The following SYN3 variants were observed in gnomAD, a reference collection of about 807,000 sequenced individuals.
SYN3 encodes synapsin III, also known as synapsin-3.
In SYN3, 35 loss-of-function variants were observed where a neutral mutation model predicts 65.8. The observed-to-expected ratio is 0.53, with a 90% confidence interval of 0.41 to 0.70. SYN3 has a LOEUF of 0.70. Among genes scored for constraint, SYN3 ranks in the 30% least tolerant of loss-of-function variants. The probability of loss-of-function intolerance (pLI) is 0.00; values close to 1 mark genes in which losing one functional copy is unlikely to be tolerated. For missense variants in SYN3, 680 were observed against 749.0 expected (o/e 0.91, Z 1.08); for synonymous variants, 270 against 292.9 (o/e 0.92, Z 0.80).
Position 32,528,722 on chromosome 22 carries a change from C to T in SYN3, c.1230+152G>A, listed in dbSNP as rs1444387225. The T allele has an allele frequency of 1.6e-5, 18 of 1,104,592 alleles. No individual in the cohort carries two copies. The South Asian group carries it at 2.9e-4, about 18-fold the overall frequency. 68.4% of individuals were successfully genotyped at this position (1,104,592 alleles called of 1,614,324 possible). A position where few individuals can be genotyped will look rare whatever the true frequency, so the allele number is the denominator to read the frequency against. The stretch of plus-strand genomic sequence containing the variant: ...ACTGGGGCAGGCTGTGAAAGCTCTC[C>T]CCAATGTCTGGCCTTCGTCCACACC... On this transcript the variant is annotated intron_variant, in intron 11 of 13. Coordinates refer to ENST00000358763, the MANE Select transcript of SYN3 (RefSeq NM_003490.4).
At chr22:32,945,860 G>C (rs1354107794) in intron 3 of SYN3, among the ~76,000 whole-genome samples, 4 of 151,880 alleles carry the variant, frequency 2.6e-5, no homozygotes, top group Non-Finnish European at 5.9e-5. Context: ...AACCAAACAA[G>C]GCGATCAAAA....
intron 6 of SYN3, among the ~76,000 whole-genome samples, chr22:32,713,944 G>A (rs2050356384): frequency 6.6e-6 from 1 of 152,126 alleles, no homozygotes; most frequent in African/African-American, 2.4e-5. Context: ...CCCTTGGAGT[G>A]ACCTTCCCAG....
At chr22:32,760,916 C>T (rs142617798) in intron 6 of SYN3, among the ~76,000 whole-genome samples, 1 of 152,310 alleles carries the variant, frequency 6.6e-6, no homozygotes, top group African/African-American at 2.4e-5. Flanking sequence ...GCAGCTGGTC[C>T]AGGGTCAAGG....
At chr22:32,939,152 T>G (rs2050866008) in intron 3 of SYN3, among the ~76,000 whole-genome samples, 1 of 152,088 alleles carries the variant, frequency 6.6e-6, no homozygotes, top group South Asian at 2.1e-4. Context: ...CTATAAAAGA[T>G]TATTAACTGT....
chr22:32,518,838 G>A (rs2057825011), intron 12 of SYN3, among the ~76,000 whole-genome samples: 1 of 152,110 alleles, frequency 6.6e-6, no homozygotes, highest in African/African-American at 2.4e-5. Context: ...TTCATATGTT[G>A]AAACCTTAAC....
intron 6 of SYN3, among the ~76,000 whole-genome samples, chr22:32,839,647 T>A (rs904398314): frequency 6.6e-6 from 1 of 152,178 alleles, no homozygotes; most frequent in Admixed American, 6.5e-5. Context: ...AGTGGCTGAC[T>A]TTAAGCAGTT....
chr22:32,939,965 C>T (rs1256118522), intron 3 of SYN3, among the ~76,000 whole-genome samples: 4 of 152,088 alleles, frequency 2.6e-5, no homozygotes, highest in Non-Finnish European at 5.9e-5. Context: ...ATTTACATAC[C>T]GTTAGCAATA....
chr22:32,817,097 A>T (rs1382012244), intron 6 of SYN3, among the ~76,000 whole-genome samples: 1 of 151,586 alleles, frequency 6.6e-6, no homozygotes, highest in African/African-American at 2.4e-5. Context: ...TTGGGCCTGT[A>T]GTCCCAGTTA....
At chr22:32,917,864 C>T (rs1011325512) in intron 4 of SYN3, among the ~76,000 whole-genome samples, 7 of 152,244 alleles carry the variant, frequency 4.6e-5, no homozygotes, top group East Asian at 1.9e-4. Flanking sequence ...GCTCTCTTCC[C>T]GTTCCCACGC....
chr22:32,969,336 G>A (rs539316281), intron 3 of SYN3, among the ~76,000 whole-genome samples: 2 of 152,280 alleles, frequency 1.3e-5, no homozygotes, highest in African/African-American at 2.4e-5. Flanking sequence ...AATCAGCGGG[G>A]CTCATTCAAC....
Position 32,611,896 on chromosome 22 carries a change from G to C in SYN3, c.712-15160C>G, listed in dbSNP as rs375245944. ...GGGGCTGGTCACCAGATTGAGGCTT[G>C]AATCTTTCAGTCCCACCCTTCATCC... On this transcript the variant is annotated intron_variant, in intron 6 of 13. Coordinates refer to ENST00000358763, the MANE Select transcript of SYN3 (RefSeq NM_003490.4). Among the ~76,000 whole-genome samples, 26 of 152,308 alleles carry C rather than the reference G, an allele frequency of 1.7e-4. No homozygotes were observed. The South Asian group carries it at 5.2e-3, about 30-fold the overall frequency.
chr22:33,002,949 C>T (rs1017525017), intron 2 of SYN3, among the ~76,000 whole-genome samples: 1 of 152,182 alleles, frequency 6.6e-6, no homozygotes, highest in Non-Finnish European at 1.5e-5. Context: ...GGGCAGTTAC[C>T]CCCATGCTGC....
At position 32,745,496 on chromosome 22, in the gene SYN3, TTTGGGCAGGGGCC is replaced by T. The variant is rs1166986060; in HGVS notation, c.711+119406_711+119418del. ...CTTTCTTGTCCAGGGAATGTGCAGC[TTTGGGCAGGGGCC>T]TTGTCAGATTCCCTCAGTAGCTTCC... On this transcript the variant is annotated intron_variant, in intron 6 of 13. Coordinates refer to ENST00000358763, the MANE Select transcript of SYN3 (RefSeq NM_003490.4). 2.0e-5 allele frequency among the ~76,000 whole-genome samples: 3 copies of T among 152,320 alleles called. No individual in the cohort carries two copies. In the East Asian group the frequency reaches 5.8e-4, roughly 29 times the overall value.
At chr22:32,749,639 T>TCAACAA (rs559074812) in intron 6 of SYN3, among the ~76,000 whole-genome samples, 5 of 151,884 alleles carry the variant, frequency 3.3e-5, no homozygotes, top group African/African-American at 1.2e-4. Context: ...AGACTTCATC[T>TCAACAA]CAACAACAAC....
At chr22:32,790,224 G>A (rs570739591) in intron 6 of SYN3, among the ~76,000 whole-genome samples, 2 of 152,160 alleles carry the variant, frequency 1.3e-5, no homozygotes, top group African/African-American at 4.8e-5. Flanking sequence ...AAGTTACCAA[G>A]GTAATGTTCC....
chr22:32,588,835 C>A (rs2059088273), intron 7 of SYN3, among the ~76,000 whole-genome samples: 1 of 152,140 alleles, frequency 6.6e-6, no homozygotes, highest in Non-Finnish European at 1.5e-5. Context: ...GGAGGCAGGT[C>A]TTTACTCCAG....
At chr22:32,587,360 G>A (rs1031728272) in intron 7 of SYN3, among the ~76,000 whole-genome samples, 3 of 151,992 alleles carry the variant, frequency 2.0e-5, no homozygotes, top group African/African-American at 7.2e-5. Flanking sequence ...GGGTGTTGGG[G>A]GGGAGGGTCC....
intron 3 of SYN3, among the ~76,000 whole-genome samples, chr22:32,961,070 A>G (rs1281933611): frequency 6.6e-6 from 1 of 152,160 alleles, no homozygotes; most frequent in Non-Finnish European, 1.5e-5. Context: ...CCTTGGCGCT[A>G]TTGACATTTT....
intron 3 of SYN3, among the ~76,000 whole-genome samples, chr22:32,952,946 G>C (rs1180140453): frequency 6.6e-6 from 1 of 152,174 alleles, no homozygotes; most frequent in Non-Finnish European, 1.5e-5. Flanking sequence ...GTAAAAAGAG[G>C]CTATGGTGCC....
Sources: allele counts gnomAD v4.1 joint callset (sites outside exome capture counted in the v4.1 genomes callset), GRCh38; gene constraint gnomAD v4.1.1; transcripts MANE v1.5; gene names NCBI Gene and HGNC (gene_info 2026-07-23, HGNC 2026-07-21).